The following NAE1 variants were observed in gnomAD, a reference collection of about 807,000 sequenced individuals.
The protein encoded by NAE1 is NEDD8 activating enzyme E1 subunit 1.
Under a neutral mutation model 88.0 loss-of-function variants are expected in NAE1, and 59 were observed. The ratio of observed to expected loss-of-function variants is 0.67; its 90% CI spans 0.54 to 0.83. NAE1 has a LOEUF of 0.83. Among genes scored for constraint, NAE1 ranks in the 40% least tolerant of loss-of-function variants. NAE1 has a pLI of 0.00. For synonymous variants in NAE1, 186 were observed against 208.9 expected (o/e 0.89, Z 0.95); for missense variants, 554 against 632.8 (o/e 0.88, Z 1.34).
rs111833714 is a variant in NAE1 at position 66,820,770 on chromosome 16, G to A, written c.511+680C>T. 6.5e-3 allele frequency among the ~76,000 whole-genome samples: 993 copies of A among 152,192 alleles called. 8 individuals carry two copies. The highest frequency in any genetic ancestry group is 0.023 in the African/African-American group (955 of 41,514). ...CAAAAAATTAGCCGGGCACGGTGGC[G>A]GGCGCCTGTAGTCCCAGCTACTCGG... On this transcript the variant is annotated intron_variant, in intron 7 of 19. Coordinates refer to ENST00000290810, the MANE Select transcript of NAE1 (RefSeq NM_003905.4).
chr16:66,806,666 G>A (rs1483831573), intron 17 of NAE1, among the ~76,000 whole-genome samples: 1 of 152,066 alleles, frequency 6.6e-6, no homozygotes, highest in African/African-American at 2.4e-5. Flanking sequence ...ACCCGCCTTG[G>A]CCTCCCAAAG....
chr16:66,805,755 T>G (rs770319495), intron 19 of NAE1, 22 bp downstream of exon 19: 5 of 1,442,016 alleles, frequency 3.5e-6, no homozygotes, highest in Non-Finnish European at 4.6e-6. Context: ...AACAGGTGAG[T>G]CTTCTCATAT....
intron 11 of NAE1, among the ~76,000 whole-genome samples, chr16:66,815,243 A>G (rs547523927): frequency 1.0e-3 from 154 of 152,346 alleles, no homozygotes; most frequent in African/African-American, 3.3e-3. Flanking sequence ...AGTGAAATAC[A>G]GAGATTTCAA....
chr16:66,827,243 C>T (rs1349682652), intron 1 of NAE1, among the ~76,000 whole-genome samples: 1 of 151,926 alleles, frequency 6.6e-6, no homozygotes, highest in Non-Finnish European at 1.5e-5. Context: ...GTGTGAGCCA[C>T]CGTGCCCAGC....
chr16:66,806,782 A>G (rs1349967638), intron 17 of NAE1, among the ~76,000 whole-genome samples: 1 of 152,170 alleles, frequency 6.6e-6, no homozygotes, highest in Non-Finnish European at 1.5e-5. Flanking sequence ...TATCTATATT[A>G]ATTGATTGAA....
rs574936254 is a variant in NAE1, at chr16:66,804,751, G to A, written c.1495+1026C>T. Among the ~76,000 whole-genome samples the A allele has an allele frequency of 2.0e-4, 31 of 152,124 alleles. 1 individual carries two copies. Among genetic ancestry groups the A allele is most frequent in the Middle Eastern group, 6.8e-3 (2 of 292 alleles). On this transcript the variant is annotated intron_variant, in intron 19 of 19. Coordinates refer to ENST00000290810, the MANE Select transcript of NAE1 (RefSeq NM_003905.4). ...TTTGGTAGGTGATTAGGTCAAGAGCGTAGAACCTTCATGAATAGGATTAGT... is the reference window on the plus strand; with the variant it reads ...TTTGGTAGGTGATTAGGTCAAGAGCATAGAACCTTCATGAATAGGATTAGT...
At chr16:66,830,775 C>T in intron 1 of NAE1, 72 bp downstream of exon 1, 1 of 1,417,368 alleles carries the variant, frequency 7.1e-7, no homozygotes. Context: ...CCGCGCCGCC[C>T]GCGCCCTTAG....
rs189217103 is a variant in NAE1, at chr16:66,808,220, A to G, written c.1330+301T>C. On this transcript the variant is annotated intron_variant, in intron 17 of 19. Transcript: ENST00000290810. Reference sequence around the variant, plus strand: ...CCAGCATATTTCTTGTGGCTTTCCTATTCCACTAAATTAAACTCAGTGTGA... The same window carrying G: ...CCAGCATATTTCTTGTGGCTTTCCTGTTCCACTAAATTAAACTCAGTGTGA... 4.6e-5 allele frequency among the ~76,000 whole-genome samples: 7 copies of G among 152,286 alleles called. No homozygotes were observed. In the East Asian group the frequency reaches 1.4e-3, roughly 29 times the overall value.
chr16:66,830,788 C>T, intron 1 of NAE1, 59 bp downstream of exon 1: 1 of 1,476,470 alleles, frequency 6.8e-7, no homozygotes, highest in Non-Finnish European at 9.0e-7. Flanking sequence ...GCCCTTAGGC[C>T]CGGCCCGAAT....
At chr16:66,816,033 T>C (rs1960032098) in intron 11 of NAE1, among the ~76,000 whole-genome samples, 1 of 152,230 alleles carries the variant, frequency 6.6e-6, no homozygotes, top group Admixed American at 6.5e-5. Context: ...AATAATATCT[T>C]ACGTGCCTTC....
At chr16:66,820,900 C>CAA (rs35671399) in intron 7 of NAE1, among the ~76,000 whole-genome samples, 15,872 of 73,054 alleles carry the variant, frequency 0.22, 2,326 homozygotes, top group African/African-American at 0.46. Flanking sequence ...GACTCCGTCT[C>CAA]AAAAAAAAAA....
At chr16:66,829,028 T>A (rs368226518) in intron 1 of NAE1, among the ~76,000 whole-genome samples, 136 of 151,418 alleles carry the variant, frequency 9.0e-4, no homozygotes, top group African/African-American at 3.0e-3. Context: ...TGTCTCTAAG[T>A]AACATGTTTC....
chr16:66,805,812 G>A lies in NAE1; in HGVS notation c.1460C>T (p.Ala487Val). ...DYVHEFCRYGAAEPHTIAAFL... is the reference protein window; with the variant it reads ...DYVHEFCRYGVAEPHTIAAFL... The stretch of plus-strand genomic sequence containing the variant: ...TGCAGCAATGGTATGTGGCTCAGCA[G>A]CTCCATATCGGCAACTAAAGGAGAC... The change falls in exon 19 of 20, where the codon GCT (alanine) becomes GTT (valine). Residue 487 changes from alanine (A) to valine (V), a missense_variant. Physicochemically the swap from Ala to Val is moderately conservative, Grantham distance 64 (BLOSUM62 0). Coordinates refer to ENST00000290810, the MANE Select transcript of NAE1 (RefSeq NM_003905.4). 1.3e-6 allele frequency: 2 copies of A among 1,534,586 alleles called. No homozygotes were observed. The highest frequency in any genetic ancestry group is 1.3e-5 in the South Asian group (1 of 75,152).
At chr16:66,826,816 T>G (rs770803939) in intron 1 of NAE1, 36 bp from the exon 2 acceptor site, 2 of 1,560,804 alleles carry the variant, frequency 1.3e-6, no homozygotes, top group South Asian at 2.4e-5. Context: ...TTTTTAAAAC[T>G]TTCATGAAAA....
intron 8 of NAE1, among the ~76,000 whole-genome samples, chr16:66,818,236 C>A (rs1358104800): frequency 6.6e-6 from 1 of 151,678 alleles, no homozygotes. Context: ...TTTTTTGGTA[C>A]CCATTAACCA....
At chr16:66,817,103 C>T (rs1834119207) in intron 9 of NAE1, 75 bp from the exon 10 acceptor site, 5 of 1,487,662 alleles carry the variant, frequency 3.4e-6, no homozygotes, top group Non-Finnish European at 4.5e-6. Context: ...AAAGTGTCCC[C>T]CATTCTCTAC....
Position 66,813,595 on chromosome 16 carries a change from C to T in NAE1, c.1003G>A (p.Asp335Asn), listed in dbSNP as rs1424482753. The T allele has an allele frequency of 2.5e-6, 4 of 1,613,368 alleles. No homozygotes were observed. In the African/African-American group the frequency reaches 5.3e-5, roughly 22 times the overall value. ...TGCAGTTTTATATATTTGCCTGAAT[C>T]TGCAATCATATCAGGAATTGTGCCT... The part of the protein sequence containing the change: ...VRGTIPDMIA[D>N]SGKYIKLQNV... Residue 335 changes from aspartate (D) to asparagine (N), a missense_variant, in exon 13 of 20, where the codon GAT (aspartate) becomes AAT (asparagine). Transcript: ENST00000290810.
intron 1 of NAE1, among the ~76,000 whole-genome samples, chr16:66,827,185 G>A (rs1473137638): frequency 2.6e-5 from 4 of 152,006 alleles, no homozygotes; most frequent in Admixed American, 2.6e-4. Context: ...CTGGAGTGTA[G>A]TGGCATGATC....
At chr16:66,805,405 C>CA (rs758519594) in intron 19 of NAE1, among the ~76,000 whole-genome samples, 5 of 152,046 alleles carry the variant, frequency 3.3e-5, no homozygotes, top group Non-Finnish European at 5.9e-5. Flanking sequence ...AGATGGAAGG[C>CA]AGGGAGACCA....
Sources: allele counts gnomAD v4.1 joint callset (sites outside exome capture counted in the v4.1 genomes callset), GRCh38; gene constraint gnomAD v4.1.1; transcripts MANE v1.5; gene names NCBI Gene and HGNC (gene_info 2026-07-23, HGNC 2026-07-21).